The following DENND1B variants were observed in gnomAD, a reference collection of about 807,000 sequenced individuals.
The protein encoded by DENND1B is DENN domain containing 1B, also known as DENN domain-containing protein 1B.
Under a neutral mutation model 90.1 loss-of-function variants are expected in DENND1B, and 59 were observed. The observed-to-expected ratio is 0.65, with a 90% CI of 0.53 to 0.81. The LOEUF is 0.81. DENND1B is among the 40% of genes least tolerant of loss of function. The pLI is 0.00. For synonymous variants in DENND1B, 337 were observed against 324.6 expected (o/e 1.04, Z -0.41); for missense variants, 862 against 912.6 (o/e 0.94, Z 0.71).
intron 15 of DENND1B, among the ~76,000 whole-genome samples, chr1:197,572,331 G>A (rs542825378): frequency 6.6e-6 from 1 of 152,170 alleles, no homozygotes; most frequent in Non-Finnish European, 1.5e-5. Flanking sequence ...AGCAGTCTGA[G>A]ATTGACCTGT....
intron 2 of DENND1B, among the ~76,000 whole-genome samples, chr1:197,759,818 C>T (rs1654798228): frequency 6.6e-6 from 1 of 151,224 alleles, no homozygotes; most frequent in Admixed American, 6.6e-5. Flanking sequence ...TCATCTCTTC[C>T]CCATAAACTA....
intron 10 of DENND1B, among the ~76,000 whole-genome samples, chr1:197,631,618 A>G (rs1679333488): frequency 6.6e-6 from 1 of 151,980 alleles, no homozygotes; most frequent in African/African-American, 2.4e-5. Context: ...ACCACCAGCA[A>G]CTGAAAAAGA....
At chr1:197,721,944 C>T (rs1299132919) in intron 2 of DENND1B, among the ~76,000 whole-genome samples, 2 of 152,144 alleles carry the variant, frequency 1.3e-5, no homozygotes, top group African/African-American at 4.8e-5. Context: ...GTTATGTGTA[C>T]ACAAGATATA....
intron 20 of DENND1B, among the ~76,000 whole-genome samples, chr1:197,517,802 C>T (rs991604063): frequency 5.3e-5 from 8 of 151,866 alleles, no homozygotes; most frequent in Admixed American, 2.0e-4. Context: ...GTTTGCTCCA[C>T]ACTACTAAAC....
chr1:197,740,520 C>T (rs1174791465), intron 2 of DENND1B, among the ~76,000 whole-genome samples: 1 of 152,154 alleles, frequency 6.6e-6, no homozygotes, highest in Non-Finnish European at 1.5e-5. Flanking sequence ...ATTTCTATTA[C>T]TGTATCGAAT....
chr1:197,735,076 T>C, intron 2 of DENND1B: 6 of 977,424 alleles, frequency 6.1e-6, no homozygotes, highest in Non-Finnish European at 7.3e-6. Flanking sequence ...TAAAAGAACA[T>C]TTCATAAAAC....
chr1:197,764,520 A>C (rs932592634), intron 2 of DENND1B, among the ~76,000 whole-genome samples: 4 of 152,190 alleles, frequency 2.6e-5, no homozygotes, highest in African/African-American at 9.6e-5. Context: ...CTGACTAAAT[A>C]TACTTATACA....
At position 197,583,210 on chromosome 1, in the gene DENND1B, C is replaced by T. The variant is rs543544965; in HGVS notation, c.1091G>A (p.Arg364His). 22 of 1,613,786 alleles carry T rather than the reference C, an allele frequency of 1.4e-5. No individual in the cohort carries two copies. Among genetic ancestry groups the T allele is most frequent in the East Asian group, 4.5e-5 (2 of 44,862 alleles). The change falls in exon 15 of 23, where the codon CGC becomes CAC. Residue 364 changes from arginine to histidine, a missense_variant. Transcript: ENST00000620048. ...TFCEESFVKH[R>H]SSVMKQFLET... Reference sequence around the variant, plus strand: ...CAGGAACTGTTTCATCACGCTTGAGCGGTGCTTTACAAAACTCTCCTCACA... The same window carrying T: ...CAGGAACTGTTTCATCACGCTTGAGTGGTGCTTTACAAAACTCTCCTCACA...
chr1:197,747,303 C>T, intron 2 of DENND1B: 2 of 597,268 alleles, frequency 3.3e-6, no homozygotes, highest in Non-Finnish European at 6.3e-6. Flanking sequence ...GTTCATCTAT[C>T]GAGAATCTAT....
At chr1:197,514,370 G>T (rs1356046483) in intron 20 of DENND1B, among the ~76,000 whole-genome samples, 1 of 151,340 alleles carries the variant, frequency 6.6e-6, no homozygotes, top group Non-Finnish European at 1.5e-5. Context: ...AAGTCATGAG[G>T]GTCTTTTTTT....
chr1:197,678,159 G>A (rs1442819532), intron 3 of DENND1B, among the ~76,000 whole-genome samples: 1 of 152,140 alleles, frequency 6.6e-6, no homozygotes, highest in Non-Finnish European at 1.5e-5. Context: ...TAGAGTAAAA[G>A]TCAGAATTCA....
At chr1:197,682,923 G>C (rs1656840536) in intron 3 of DENND1B, among the ~76,000 whole-genome samples, 1 of 152,166 alleles carries the variant, frequency 6.6e-6, no homozygotes, top group East Asian at 1.9e-4. Flanking sequence ...CATTCCTCCT[G>C]GCAACACTTT....
intron 13 of DENND1B, among the ~76,000 whole-genome samples, chr1:197,604,599 T>G (rs1312063682): frequency 6.6e-6 from 1 of 151,206 alleles, no homozygotes; most frequent in Non-Finnish European, 1.5e-5. Context: ...AACCAGCCTG[T>G]AAGTATAATT....
chr1:197,654,093 CACAT>C (rs1483977396), intron 6 of DENND1B, among the ~76,000 whole-genome samples: 1 of 152,034 alleles, frequency 6.6e-6, no homozygotes, highest in Non-Finnish European at 1.5e-5. Flanking sequence ...CATGCACAAA[CACAT>C]ACACATAAAC....
At chr1:197,622,048 G>A (rs1391052674) in intron 10 of DENND1B, among the ~76,000 whole-genome samples, 1 of 151,292 alleles carries the variant, frequency 6.6e-6, no homozygotes, top group Non-Finnish European at 1.5e-5. Flanking sequence ...GAAGGGACAA[G>A]AACTAATGCC....
At chr1:197,582,819 C>A (rs1674360272) in intron 15 of DENND1B, among the ~76,000 whole-genome samples, 2 of 151,994 alleles carry the variant, frequency 1.3e-5, no homozygotes. Context: ...TGTTAGTTTA[C>A]CGTATCAATC....
chr1:197,541,113 T>C, intron 18 of DENND1B, 98 bp from the exon 19 acceptor site: 1 of 1,057,276 alleles, frequency 9.5e-7, no homozygotes, highest in South Asian at 1.5e-5. Flanking sequence ...TACTAAATAT[T>C]CATATGATTT....
intron 16 of DENND1B, chr1:197,552,668 C>A (rs375020414): frequency 2.9e-6 from 3 of 1,025,846 alleles, no homozygotes; most frequent in Non-Finnish European, 1.2e-6. Context: ...TAAATTCATA[C>A]TCAGTAATAA....
chr1:197,715,196 T>C lies in DENND1B; in HGVS notation c.83-122A>G, dbSNP rs545342511. 1.5e-4 allele frequency: 101 copies of C among 654,692 alleles called. 1 individual carries two copies. The African/African-American group carries it at 1.7e-3, about 11-fold the overall frequency. The allele number at this position is 654,692 out of a possible 1,614,324, so 40.6% of individuals were successfully genotyped here. A position where few individuals can be genotyped will look rare whatever the true frequency, so the allele number is the denominator to read the frequency against. ...TAATTACAACATTTAAATTTTTCTT[T>C]AAACATTTATAGTTGATGACATTCA... On this transcript the variant is annotated intron_variant, in intron 2 of 22. Coordinates refer to ENST00000620048, the MANE Select transcript of DENND1B (RefSeq NM_001195215.2).
Sources: allele counts gnomAD v4.1 joint callset (sites outside exome capture counted in the v4.1 genomes callset), GRCh38; gene constraint gnomAD v4.1.1; transcripts MANE v1.5; gene names NCBI Gene and HGNC (gene_info 2026-07-23, HGNC 2026-07-21).